Variants in AP2A1 observed in about 807,000 individuals in gnomAD.
The protein encoded by AP2A1 is adaptor related protein complex 2 subunit alpha 1, also known as AP-2 complex subunit alpha-1.
AP2A1 carries 21 observed loss-of-function variants against 107.3 expected under a neutral mutation model. The ratio of observed to expected loss-of-function variants is 0.20; its 90% CI spans 0.14 to 0.28. The LOEUF (loss-of-function observed/expected upper bound fraction) is 0.28. Ranked by LOEUF, AP2A1 falls within the 10% of genes least tolerant of loss-of-function variation. The pLI is 1.00. For missense variants in AP2A1, 873 were observed against 1,307.7 expected, an observed-to-expected ratio of 0.67 and a Z score of 5.13; for synonymous variants, 602 against 564.8, an observed-to-expected ratio of 1.07 and a Z score of -0.93.
At chr19:49,772,249 T>TTTTTTTTTG (rs2084567696) in intron 1 of AP2A1, among the ~76,000 whole-genome samples, 4 of 49,294 alleles carry the variant, frequency 8.1e-5, no homozygotes, top group African/African-American at 3.0e-4. Context: ...TCATAGAGTT[T>TTTTTTTTTG]TTTTTTTTTT....
At chr19:49,791,831 G>T in intron 4 of AP2A1, 104 bp from the exon 5 acceptor site, 6 of 1,438,544 alleles carry the variant, frequency 4.2e-6, no homozygotes, top group Non-Finnish European at 5.6e-6. Context: ...TGTCCCTCTC[G>T]CTGGCCTCGC....
At chr19:49,791,216 G>A (rs1233046885) in intron 4 of AP2A1, among the ~76,000 whole-genome samples, 1 of 152,176 alleles carries the variant, frequency 6.6e-6, no homozygotes, top group African/African-American at 2.4e-5. Context: ...ACTCTGTTTT[G>A]TTTATTTTTA....
chr19:49,799,074 G>A (rs1385581789), intron 8 of AP2A1, 122 bp downstream of exon 8: 2 of 1,367,226 alleles, frequency 1.5e-6, no homozygotes, highest in Admixed American at 2.4e-5. Flanking sequence ...GGTAGGAGGA[G>A]GATGGGGCTG....
At chr19:49,786,012 A>G (rs184635584) in intron 4 of AP2A1, among the ~76,000 whole-genome samples, 155 of 152,012 alleles carry the variant, frequency 1.0e-3, no homozygotes, top group African/African-American at 3.5e-3. Context: ...CCCGGGGGGC[A>G]GAGGTTGCAG....
intron 7 of AP2A1, chr19:49,796,788 CAT>C (rs1280242950): frequency 6.6e-6 from 1 of 152,200 alleles, no homozygotes; most frequent in Non-Finnish European, 1.5e-5. Context: ...TGTGCATCTA[CAT>C]GTGTACCTGT....
At chr19:49,804,135 CT>C (rs1278277043) in intron 18 of AP2A1, 1 of 152,150 alleles carries the variant, frequency 6.6e-6, no homozygotes, top group Admixed American at 6.6e-5. Context: ...ACTCAGGAGG[CT>C]GAGACAGGAG....
chr19:49,801,101 G>T, intron 12 of AP2A1, 43 bp downstream of exon 12: 2 of 1,540,118 alleles, frequency 1.3e-6, no homozygotes, highest in East Asian at 2.4e-5. Flanking sequence ...ACATGCTTCT[G>T]AGGGGTCCAG....
intron 1 of AP2A1, among the ~76,000 whole-genome samples, chr19:49,781,449 C>A (rs1239810073): frequency 2.6e-5 from 4 of 152,142 alleles, no homozygotes; most frequent in African/African-American, 9.7e-5. Context: ...GGGACAGGAG[C>A]TCTCAGGGAG....
intron 1 of AP2A1, among the ~76,000 whole-genome samples, chr19:49,772,322 C>T (rs1341206636): frequency 2.5e-5 from 3 of 119,712 alleles, no homozygotes; most frequent in African/African-American, 6.5e-5. Context: ...TGCAGTGGCG[C>T]GATCTCCGCT....
intron 6 of AP2A1, among the ~76,000 whole-genome samples, chr19:49,793,860 GAGA>G (rs1048729867): frequency 1.2e-4 from 18 of 146,902 alleles, no homozygotes; most frequent in Non-Finnish European, 2.7e-4. Flanking sequence ...CGCAGGCAAA[GAGA>G]AGAACACACC....
At chr19:49,803,461 CTT>C in intron 18 of AP2A1, 85 bp downstream of exon 18, 1 of 1,096,792 alleles carries the variant, frequency 9.1e-7, no homozygotes, top group South Asian at 1.3e-5. Flanking sequence ...CAGGTCCACA[CTT>C]CTCTTCAGCC....
intron 1 of AP2A1, among the ~76,000 whole-genome samples, chr19:49,776,431 A>C (rs1011709311): frequency 1.3e-5 from 2 of 152,118 alleles, no homozygotes; most frequent in African/African-American, 2.4e-5. Context: ...TTAGCCTCTC[A>C]GCCCCGAAAT....
intron 11 of AP2A1, 76 bp downstream of exon 11, chr19:49,800,226 C>A: frequency 6.8e-7 from 1 of 1,475,544 alleles, no homozygotes; most frequent in Non-Finnish European, 9.1e-7. Flanking sequence ...GGGGCCGTGG[C>A]GCCTGCCAGC....
chr19:49,805,290 G>T (rs1314298342), intron 18 of AP2A1, 163 bp from the exon 19 acceptor site: 6 of 843,610 alleles, frequency 7.1e-6, no homozygotes, highest in African/African-American at 1.7e-5. Context: ...GGTTTCCATA[G>T]TATGAACTTT....
At chr19:49,773,439 C>A (rs1305330583) in intron 1 of AP2A1, among the ~76,000 whole-genome samples, 1 of 152,188 alleles carries the variant, frequency 6.6e-6, no homozygotes, top group East Asian at 1.9e-4. Context: ...CTCACTCCAG[C>A]TTTGTCCTCT....
chr19:49,806,244 C>A lies in AP2A1; in HGVS notation c.2781C>A (p.Ala927=). Residue 927 remains alanine (A), a synonymous_variant, in exon 22 of 23, where the codon GCC becomes GCA. Coordinates refer to ENST00000354293, the MANE Select transcript of AP2A1 (RefSeq NM_130787.3). ...VGCLLRLEPN[A]QAQMYRLTLR... is the part of the protein sequence containing the mutation. ...GTCTGCTTCGGCTGGAGCCCAATGC[C>A]CAGGCCCAGGTGAGTGCTGCTGTGG... The A allele has an allele frequency of 6.2e-7, 1 of 1,606,474 alleles. No homozygotes were observed. Among genetic ancestry groups the A allele is most frequent in the South Asian group, 1.1e-5 (1 of 89,522 alleles).
chr19:49,802,752 C>T, intron 15 of AP2A1, 197 bp from the exon 16 acceptor site: 3 of 1,002,354 alleles, frequency 3.0e-6, no homozygotes. Flanking sequence ...TCTGCCGATG[C>T]GGGGGCACGG....
intron 4 of AP2A1, among the ~76,000 whole-genome samples, chr19:49,791,314 C>T (rs1372967776): frequency 6.6e-6 from 1 of 152,202 alleles, no homozygotes; most frequent in Non-Finnish European, 1.5e-5. Flanking sequence ...ACTGCCGCCT[C>T]GACCTCCCAG....
chr19:49,795,594 C>A, intron 6 of AP2A1, 36 bp from the exon 7 acceptor site: 4 of 923,198 alleles, frequency 4.3e-6, no homozygotes, highest in South Asian at 2.8e-5. Flanking sequence ...CCCTCCCACC[C>A]CAGCCCCCAA....
Sources: gnomAD v4.1 joint callset for allele counts (sites outside exome capture counted in the v4.1 genomes callset) on GRCh38, gnomAD v4.1.1 for gene constraint, MANE v1.5 for transcripts, NCBI Gene and HGNC (gene_info 2026-07-23, HGNC 2026-07-21) for gene names.